The following MTCL1 variants were observed in gnomAD, a reference collection of about 807,000 sequenced individuals.
MTCL1 encodes the protein microtubule crosslinking factor 1.
In MTCL1, 79 loss-of-function variants were observed where a neutral mutation model predicts 141.4. That is an observed-to-expected ratio of 0.56 (90% CI 0.47 to 0.67). The LOEUF (loss-of-function observed/expected upper bound fraction) is 0.67. Among genes scored for constraint, MTCL1 ranks in the 30% least tolerant of loss-of-function variants. MTCL1 has a pLI of 0.00. For synonymous variants in MTCL1, 914 were observed against 875.8 expected (o/e 1.04, Z -0.77); for missense variants, 2,177 against 2,113.9 (o/e 1.03, Z -0.59).
intron 10 of MTCL1, among the ~76,000 whole-genome samples, chr18:8,803,362 A>G (rs1227310539): frequency 6.6e-6 from 1 of 152,116 alleles, no homozygotes; most frequent in Non-Finnish European, 1.5e-5. Flanking sequence ...AACATAGTAT[A>G]TGCACTCAAA....
At chr18:8,818,798 G>A (rs2076745726) in intron 12 of MTCL1, among the ~76,000 whole-genome samples, 165 bp from the exon 12 acceptor site, 1 of 151,878 alleles carries the variant, frequency 6.6e-6, no homozygotes. Context: ...CTGTAATGTT[G>A]TGTTACATTT....
intron 13 of MTCL1, 123 bp from the exon 13 acceptor site, chr18:8,821,344 C>T (rs1420500084): frequency 3.1e-6 from 2 of 635,008 alleles, no homozygotes; most frequent in Non-Finnish European, 5.7e-6. Context: ...AGAGCTTGGC[C>T]TCAGTGCACA....
At chr18:8,819,806 T>C (rs906487244) in intron 13 of MTCL1, among the ~76,000 whole-genome samples, 1 of 152,110 alleles carries the variant, frequency 6.6e-6, no homozygotes, top group Non-Finnish European at 1.5e-5. Flanking sequence ...AGACAGGGTC[T>C]CCCTATGTTG....
chr18:8,775,308 A>C (rs956914039), intron 4 of MTCL1, among the ~76,000 whole-genome samples: 21 of 151,858 alleles, frequency 1.4e-4, no homozygotes, highest in Admixed American at 3.3e-4. Flanking sequence ...CGGTGGCTCA[A>C]TCCTGTAATC....
intron 8 of MTCL1, among the ~76,000 whole-genome samples, chr18:8,793,568 C>G (rs530472443): frequency 6.6e-6 from 1 of 152,214 alleles, no homozygotes; most frequent in South Asian, 2.1e-4. Context: ...CTGTTACTCT[C>G]GAATAACCTG....
At chr18:8,780,524 T>C (rs1207822580) in intron 5 of MTCL1, among the ~76,000 whole-genome samples, 2 of 152,262 alleles carry the variant, frequency 1.3e-5, no homozygotes, top group Non-Finnish European at 2.9e-5. Flanking sequence ...TGGATTTCTC[T>C]GCTTTAGAGG....
chr18:8,777,974 C>A, intron 5 of MTCL1, 82 bp downstream of exon 4: 1 of 1,340,320 alleles, frequency 7.5e-7, no homozygotes, highest in Non-Finnish European at 1.1e-6. Flanking sequence ...TAAGTGTTAG[C>A]TTTGCCTTTA....
intron 4 of MTCL1, among the ~76,000 whole-genome samples, chr18:8,744,202 C>G (rs1280464647): frequency 6.6e-6 from 1 of 152,254 alleles, no homozygotes; most frequent in South Asian, 2.1e-4. Context: ...CACTGGCACC[C>G]TTTCCGCCGC....
At chr18:8,737,821 G>A (rs2096281797) in intron 4 of MTCL1, among the ~76,000 whole-genome samples, 1 of 152,076 alleles carries the variant, frequency 6.6e-6, no homozygotes, top group Admixed American at 6.6e-5. Flanking sequence ...CTAAACCAAG[G>A]TCATGGCCCA....
intron 4 of MTCL1, among the ~76,000 whole-genome samples, chr18:8,758,093 C>T (rs530884706): frequency 1.3e-5 from 2 of 149,262 alleles, no homozygotes; most frequent in Admixed American, 6.7e-5. Context: ...GGCGCGATCT[C>T]GGCTCACAGC....
At chr18:8,818,200 A>G (rs184075142) in intron 12 of MTCL1, among the ~76,000 whole-genome samples, 9 of 152,290 alleles carry the variant, frequency 5.9e-5, no homozygotes, top group Admixed American at 3.3e-4. Context: ...AGAGTCGGGA[A>G]CTTGCACCTG....
At chr18:8,756,485 GTATATATGTA>G (rs1442886755) in intron 4 of MTCL1, among the ~76,000 whole-genome samples, 4 of 148,774 alleles carry the variant, frequency 2.7e-5, no homozygotes, top group African/African-American at 1.0e-4. Flanking sequence ...GTATATGTGT[GTATATATGTA>G]TATATGTGTG....
In MTCL1 at chr18:8,784,575, C is replaced by G. The variant is rs780447977; in HGVS notation, c.1463C>G (p.Ala488Gly). 10 of 1,609,654 alleles carry G rather than the reference C, an allele frequency of 6.2e-6. No homozygotes were observed. The Admixed American group carries it at 1.5e-4, about 24-fold the overall frequency. ...CATGATGCGGGGCTGCGGGGTGGTG[C>G]GCCCTTACCGGGGCCTGGCCTCCAG... is the stretch of plus-strand genomic sequence containing the variant. Residue 488 changes from alanine (A) to glycine (G), a missense_variant, in exon 6 of 17, where the codon GCG becomes GGG. By Grantham distance (60) the Ala-to-Gly change is moderately conservative (BLOSUM62 0). Coordinates refer to ENST00000359865, the Ensembl canonical transcript of MTCL1.
rs566071338 is a variant in MTCL1, at chr18:8,786,279, C to T, written c.1887+188C>T. ...GGGACAGGCAGGTGTGCGCAGGTGC[C>T]TGCGGTGAACTGCTGTGCTCGTCAG... On this transcript the variant is annotated intron_variant, in intron 7 of 16. Coordinates refer to ENST00000359865, the Ensembl canonical transcript of MTCL1. 240 of 731,328 alleles carry T rather than the reference C, an allele frequency of 3.3e-4. No individual in the cohort carries two copies. In the African/African-American group the frequency reaches 3.7e-3, roughly 11 times the overall value. 45.3% of individuals were successfully genotyped at this position (731,328 alleles called of 1,614,324 possible). A position where few individuals can be genotyped will look rare whatever the true frequency, so the allele number is the denominator to read the frequency against.
chr18:8,730,172 C>G (rs1235004393), intron 4 of MTCL1, among the ~76,000 whole-genome samples: 1 of 152,084 alleles, frequency 6.6e-6, no homozygotes, highest in Non-Finnish European at 1.5e-5. Context: ...CAGAGCCACC[C>G]AGCCTTGATC....
chr18:8,813,382 G>A (rs1014927525), intron 12 of MTCL1, 149 bp downstream of exon 11: 10 of 1,004,908 alleles, frequency 1.0e-5, no homozygotes, highest in Non-Finnish European at 1.4e-5. Context: ...TTCTAGAATT[G>A]CTTGTGTTGG....
In MTCL1 at chr18:8,720,382, G is replaced by A. The variant is rs114166564; in HGVS notation, c.243G>A (p.Thr81=). 7.5e-5 allele frequency: 121 copies of A among 1,614,120 alleles called. No homozygotes were observed. The East Asian group carries it at 2.3e-3, about 31-fold the overall frequency. The change falls in exon 4 of 17, where the codon ACG becomes ACA. Residue 81 remains threonine, a synonymous_variant. Coordinates refer to ENST00000359865, the Ensembl canonical transcript of MTCL1. ...TCAGATTGCACCACGAACTTAAGAC[G>A]GTGGAGGAAAAGCGCGCTAAAGCTG...
exon 6 of MTCL1, chr18:8,784,445 C>T (rs1409982892): frequency 2.0e-6 from 3 of 1,532,512 alleles, no homozygotes; most frequent in Non-Finnish European, 2.6e-6. Context: ...CACGGAGCTC[C>T]TGAAGGCCCG....
chr18:8,821,473 G>C (rs1431679779), exon 14 of MTCL1: 1 of 1,441,604 alleles, frequency 6.9e-7, no homozygotes, highest in Non-Finnish European at 9.6e-7. Flanking sequence ...ATAGGAAGAA[G>C]AAAATCACAA....
Sources: allele counts gnomAD v4.1 joint callset (sites outside exome capture counted in the v4.1 genomes callset), GRCh38; gene constraint gnomAD v4.1.1; transcripts MANE v1.5; gene names NCBI Gene and HGNC (gene_info 2026-07-23, HGNC 2026-07-21).